WDR20: variants seen among roughly 807,000 people sequenced by gnomAD.
WDR20 encodes WD repeat-containing protein 20.
WDR20 carries 3 observed loss-of-function variants against 38.7 expected under a neutral mutation model. The observed-to-expected ratio is 0.08, with a 90% CI of 0.04 to 0.20. The LOEUF is 0.20. WDR20 is among the 10% of genes least tolerant of loss of function. The pLI is 1.00. For synonymous variants in WDR20, 298 were observed against 285.6 expected, an observed-to-expected ratio of 1.04 and a Z score of -0.44; for missense variants, 559 against 727.7, an observed-to-expected ratio of 0.77 and a Z score of 2.67.
intron 1 of WDR20, among the ~76,000 whole-genome samples, chr14:102,146,246 C>T (rs1479609419): frequency 6.6e-6 from 1 of 152,108 alleles, no homozygotes; most frequent in Non-Finnish European, 1.5e-5. Context: ...TCACTGTGAC[C>T]TCTGGCACCC....
chr14:102,153,037 G>C (rs2056438046), intron 1 of WDR20, among the ~76,000 whole-genome samples: 1 of 152,036 alleles, frequency 6.6e-6, no homozygotes, highest in Non-Finnish European at 1.5e-5. Flanking sequence ...TAGATCAAGG[G>C]GTGGATTTCT....
At chr14:102,180,179 T>TA (rs1384660342) in intron 1 of WDR20, among the ~76,000 whole-genome samples, 1 of 152,178 alleles carries the variant, frequency 6.6e-6, no homozygotes. Flanking sequence ...AGCCAGTACT[T>TA]ACATAGCACT....
At chr14:102,153,118 G>A (rs762043702) in intron 1 of WDR20, among the ~76,000 whole-genome samples, 14 of 152,076 alleles carry the variant, frequency 9.2e-5, no homozygotes, top group Non-Finnish European at 1.6e-4. Flanking sequence ...TCCAGAACTG[G>A]CTGTTTAAAA....
chr14:102,204,332 C>T (rs1401449318), intron 2 of WDR20, among the ~76,000 whole-genome samples: 3 of 152,210 alleles, frequency 2.0e-5, no homozygotes, highest in East Asian at 3.8e-4. Flanking sequence ...CCAGCACCAG[C>T]AGAGGAAGAG....
rs148526122 is a variant in WDR20, at chr14:102,169,157, A to G, written c.250-25781A>G. ...CCTCCCCGTCCCACCCGTGGAGCCA[A>G]TGGTACACGCTCTGCTTAGAATCCT... On this transcript the variant is annotated intron_variant, in intron 1 of 2. Transcript: ENST00000342702. 3.3e-5 allele frequency among the ~76,000 whole-genome samples: 5 copies of G among 152,184 alleles called. No homozygotes were observed. In the East Asian group the frequency reaches 9.7e-4, roughly 29 times the overall value.
At chr14:102,201,865 T>C (rs1216401159) in intron 2 of WDR20, among the ~76,000 whole-genome samples, 1 of 152,170 alleles carries the variant, frequency 6.6e-6, no homozygotes, top group Non-Finnish European at 1.5e-5. Context: ...CCTCTGTTAC[T>C]TCCCCTGCCT....
At chr14:102,200,467 T>TTTTTTTTGTG (rs748066838) in intron 2 of WDR20, among the ~76,000 whole-genome samples, 6 of 117,680 alleles carry the variant, frequency 5.1e-5, no homozygotes, top group African/African-American at 1.9e-4. Flanking sequence ...ATTTTTTTTT[T>TTTTTTTTGTG]TGTGTGTGTG....
At chr14:102,185,446 G>A (rs1427574894) in intron 1 of WDR20, among the ~76,000 whole-genome samples, 1 of 152,082 alleles carries the variant, frequency 6.6e-6, no homozygotes, top group Non-Finnish European at 1.5e-5. Context: ...AGAACTAGGT[G>A]CCACCTCACA....
rs114178581 is a variant in WDR20, at chr14:102,206,862, A to G, written c.433-1741A>G. On this transcript the variant is annotated intron_variant, in intron 2 of 2. Coordinates refer to ENST00000342702, the MANE Select transcript of WDR20 (RefSeq NM_144574.4). ...TTAATCCACCGTTCACCATCCCATC[A>G]TCCTTGCACCTCCCTCCACCATCAA... Among the ~76,000 whole-genome samples, 702 of 152,296 alleles carry G rather than the reference A, an allele frequency of 4.6e-3. 6 individuals are homozygous for G. Among genetic ancestry groups the G allele is most frequent in the African/African-American group, 0.016 (652 of 41,552 alleles).
At chr14:102,214,985 C>A, downstream of WDR20, 3 of 984,526 alleles carry the variant, frequency 3.0e-6, no homozygotes, top group Non-Finnish European at 2.4e-6. Flanking sequence ...ATTAAATAAA[C>A]GTGTGTGAGT....
At chr14:102,193,543 T>C in intron 1 of WDR20, 1 of 1,608,924 alleles carries the variant, frequency 6.2e-7, no homozygotes, top group East Asian at 2.2e-5. Flanking sequence ...CCGCATGGCA[T>C]GCACCCTCAT....
intron 2 of WDR20, chr14:102,195,804 A>G (rs1015974455): frequency 6.6e-6 from 1 of 152,266 alleles, no homozygotes; most frequent in Non-Finnish European, 1.5e-5. Context: ...TATTTTTTAA[A>G]GCTGTTGGAG....
chr14:102,156,041 G>GACTC (rs2057302107), intron 1 of WDR20, among the ~76,000 whole-genome samples: 3 of 150,674 alleles, frequency 2.0e-5, no homozygotes, highest in African/African-American at 7.4e-5. Flanking sequence ...GCCTCCCAAA[G>GACTC]CATTGGGATT....
rs1056913934 is a variant in WDR20 at position 102,207,138 on chromosome 14, G to A, written c.433-1465G>A. Among the ~76,000 whole-genome samples the A allele has an allele frequency of 6.6e-6, 1 of 152,204 alleles. No homozygotes were observed. Among genetic ancestry groups the A allele is most frequent in the Non-Finnish European group, 1.5e-5 (1 of 68,048 alleles). ...TTAATTTAAGAGGACCAGCCATGCC[G>A]TTTTACGGCAGTAAGCAGTGACACC... On this transcript the variant is annotated intron_variant, in intron 2 of 2. Transcript: ENST00000342702. The surrounding 1 kb of genome is among the most constrained non-coding windows in gnomAD (Gnocchi z 5.0).
At chr14:102,144,768 A>G (rs1442930401) in intron 1 of WDR20, among the ~76,000 whole-genome samples, 1 of 150,590 alleles carries the variant, frequency 6.6e-6, no homozygotes, top group East Asian at 2.0e-4. Flanking sequence ...CAGTGATGTG[A>G]TCTTGGCTCA....
chr14:102,181,395 G>C (rs531296315), intron 1 of WDR20, among the ~76,000 whole-genome samples: 2 of 152,084 alleles, frequency 1.3e-5, no homozygotes, highest in Admixed American at 6.6e-5. Flanking sequence ...TCAGAGCTCC[G>C]AGTTGAGCTG....
intron 1 of WDR20, among the ~76,000 whole-genome samples, chr14:102,158,474 T>A (rs2057946890): frequency 6.6e-6 from 1 of 152,068 alleles, no homozygotes; most frequent in African/African-American, 2.4e-5. Context: ...ATTTTTGTAT[T>A]TTAAATAGAG....
At chr14:102,216,286 G>T (rs1251031433), downstream of WDR20, among the ~76,000 whole-genome samples, 3 of 152,204 alleles carry the variant, frequency 2.0e-5, no homozygotes, top group African/African-American at 7.2e-5. Context: ...AGTGCACAGG[G>T]CTCTGTTCTT....
intron 1 of WDR20, among the ~76,000 whole-genome samples, chr14:102,143,099 C>T (rs1447589226): frequency 1.3e-5 from 2 of 152,006 alleles, no homozygotes; most frequent in Non-Finnish European, 2.9e-5. Context: ...ATTTCACCCT[C>T]CTCAGAGCGA....
Sources: gnomAD v4.1 joint callset for allele counts (sites outside exome capture counted in the v4.1 genomes callset) on GRCh38, gnomAD v4.1.1 for gene constraint, Gnocchi (gnomAD v3.1) non-coding constraint, MANE v1.5 for transcripts, NCBI Gene and HGNC (gene_info 2026-07-23, HGNC 2026-07-21) for gene names.